The following DLC1 variants were observed in gnomAD, a reference collection of about 807,000 sequenced individuals.
The protein encoded by DLC1 is rho GTPase-activating protein 7.
In DLC1, 54 loss-of-function variants were observed where a neutral mutation model predicts 140.3. That is an observed-to-expected ratio of 0.38 (90% CI 0.31 to 0.48). The LOEUF is 0.48. DLC1 is among the 20% of genes least tolerant of loss of function. The pLI, the probability that DLC1 is intolerant of heterozygous loss-of-function variation, is 0.96. For missense variants in DLC1, 2,536 were observed against 1,907.0 expected, an observed-to-expected ratio of 1.33 and a Z score of -6.14; for synonymous variants, 986 against 728.1, an observed-to-expected ratio of 1.35 and a Z score of -5.70.
chr8:13,347,355 C>G (rs1030753003), intron 4 of DLC1, among the ~76,000 whole-genome samples: 1 of 152,138 alleles, frequency 6.6e-6, no homozygotes, highest in Admixed American at 6.5e-5. Context: ...CTGAGGGCCA[C>G]CTGACACAGA....
chr8:13,133,287 A>G, intron 5 of DLC1: 1 of 1,285,596 alleles, frequency 7.8e-7, no homozygotes. Context: ...GTCGGAGCGA[A>G]CTGTCTCCCG....
intron 5 of DLC1, among the ~76,000 whole-genome samples, chr8:13,145,146 G>C (rs893873857): frequency 1.3e-5 from 2 of 152,088 alleles, no homozygotes; most frequent in African/African-American, 2.4e-5. Context: ...GATAGTGAAA[G>C]TAGTACCTAT....
At chr8:13,307,479 CAT>C (rs1477184969) in intron 4 of DLC1, among the ~76,000 whole-genome samples, 1 of 152,216 alleles carries the variant, frequency 6.6e-6, no homozygotes, top group Non-Finnish European at 1.5e-5. Context: ...TCCCTTAAAA[CAT>C]ATTTAAAAAT....
chr8:13,308,258 G>C (rs9325885), intron 4 of DLC1, among the ~76,000 whole-genome samples: 62,824 of 152,052 alleles, frequency 0.41, 13,392 homozygotes, highest in Middle Eastern at 0.5. Flanking sequence ...ACGTTAGAAT[G>C]TCACCACACT....
upstream of DLC1, among the ~76,000 whole-genome samples, chr8:13,519,521 G>A (rs142776529): frequency 1.5e-3 from 232 of 152,214 alleles, no homozygotes; most frequent in African/African-American, 5.3e-3. Context: ...AGCATCATGC[G>A]CATGATTAGT....
At chr8:13,249,137 C>T (rs1031404214) in intron 5 of DLC1, among the ~76,000 whole-genome samples, 7 of 152,146 alleles carry the variant, frequency 4.6e-5, no homozygotes, top group Non-Finnish European at 7.3e-5. Flanking sequence ...AGTGCAATGG[C>T]GCGATCTTCG....
At position 13,582,696 on chromosome 8, in the gene DLC1, A is replaced by T. The variant is rs113306728; in HGVS notation, c.-126+21841T>A. Among the ~76,000 whole-genome samples the T allele has an allele frequency of 6.7e-3, 1,017 of 151,114 alleles. 13 individuals are homozygous for T. The highest frequency in any genetic ancestry group is 0.022 in the African/African-American group (917 of 41,164). ...ACTTAATAAACTTCCATATATATAT[A>T]TATTTTTTCCATTCATTCTGTCCCT... On this transcript the variant is annotated intron_variant, in intron 1 of 1. Coordinates refer to the DLC1 transcript ENST00000631382.
chr8:13,583,279 A>T (rs1346567041), intron 1 of DLC1, among the ~76,000 whole-genome samples: 1 of 152,206 alleles, frequency 6.6e-6, no homozygotes. Flanking sequence ...TTATCAACTA[A>T]GTTTATGGAA....
chr8:13,289,473 G>GGT (rs1476084059), intron 5 of DLC1, among the ~76,000 whole-genome samples: 1 of 152,056 alleles, frequency 6.6e-6, no homozygotes, highest in Non-Finnish European at 1.5e-5. Context: ...ATTATAGACA[G>GGT]GTGTCACCAT....
intron 4 of DLC1, among the ~76,000 whole-genome samples, chr8:13,358,585 A>G (rs911727210): frequency 6.6e-6 from 1 of 152,188 alleles, no homozygotes; most frequent in African/African-American, 2.4e-5. Flanking sequence ...ATATACATTA[A>G]AATATTTTCC....
At chr8:13,105,822 C>T (rs958800882) in intron 7 of DLC1, among the ~76,000 whole-genome samples, 2 of 152,178 alleles carry the variant, frequency 1.3e-5, no homozygotes, top group African/African-American at 2.4e-5. Flanking sequence ...AGGCAATCCG[C>T]TCATCTCGGC....
At chr8:13,307,799 G>T (rs1429560864) in intron 4 of DLC1, among the ~76,000 whole-genome samples, 3 of 152,260 alleles carry the variant, frequency 2.0e-5, no homozygotes, top group Admixed American at 1.3e-4. Flanking sequence ...AATCCTGGAA[G>T]GTAAAGTAAC....
intron 4 of DLC1, among the ~76,000 whole-genome samples, chr8:13,312,121 G>T (rs1292494127): frequency 7.7e-6 from 1 of 130,098 alleles, no homozygotes; most frequent in African/African-American, 3.0e-5. Flanking sequence ...CAGCACTTTG[G>T]GAGGCCGAGG....
chr8:13,415,412 T>G (rs1838008386), intron 2 of DLC1, among the ~76,000 whole-genome samples: 1 of 151,668 alleles, frequency 6.6e-6, no homozygotes, highest in Non-Finnish European at 1.5e-5. Flanking sequence ...TTTTTTTTTT[T>G]TTTTTGAGAC....
At chr8:13,487,667 G>A (rs1485577468) in intron 2 of DLC1, among the ~76,000 whole-genome samples, 4 of 151,384 alleles carry the variant, frequency 2.6e-5, no homozygotes, top group African/African-American at 7.3e-5. Context: ...TCCCCAACCC[G>A]GGTTCAAGCA....
At chr8:13,140,507 A>C (rs1267421185) in intron 5 of DLC1, among the ~76,000 whole-genome samples, 1 of 150,306 alleles carries the variant, frequency 6.7e-6, no homozygotes, top group Non-Finnish European at 1.5e-5. Context: ...TGCTGGGATT[A>C]CAGGTTGAGC....
chr8:13,579,343 A>AATACATATT lies in DLC1; in HGVS notation c.-126+25193_-126+25194insAATATGTAT, dbSNP rs1804972021. Among the ~76,000 whole-genome samples the AATACATATT allele has an allele frequency of 1.7e-4, 5 of 28,918 alleles. 2 individuals carry two copies. In the South Asian group the frequency reaches 3.9e-3, roughly 22 times the overall value. The allele number at this position is 28,918 out of a possible 152,430, so 19.0% of individuals were successfully genotyped here. A position where few individuals can be genotyped will look rare whatever the true frequency, so the allele number is the denominator to read the frequency against. Reference sequence around the variant, plus strand: ...TATATATATATATATATATATATATATATATATATATATATATATTTTTAT... The same window carrying AATACATATT: ...TATATATATATATATATATATATATAATACATATTTATATATATATATATATATTTTTAT... On this transcript the variant is annotated intron_variant, in intron 1 of 1. Coordinates refer to the DLC1 transcript ENST00000631382.
At chr8:13,452,972 T>C (rs1799138505) in intron 2 of DLC1, among the ~76,000 whole-genome samples, 1 of 152,012 alleles carries the variant, frequency 6.6e-6, no homozygotes. Flanking sequence ...CAGTTTCTTG[T>C]TGTTGTTGTT....
chr8:13,445,348 A>G (rs561766524), intron 2 of DLC1, among the ~76,000 whole-genome samples: 12 of 152,292 alleles, frequency 7.9e-5, no homozygotes, highest in Non-Finnish European at 1.5e-4. Flanking sequence ...CTGAGGAAGG[A>G]AGCAGGAAAC....
Sources: gnomAD v4.1 joint callset for allele counts (sites outside exome capture counted in the v4.1 genomes callset) on GRCh38, gnomAD v4.1.1 for gene constraint, MANE v1.5 for transcripts, NCBI Gene and HGNC (gene_info 2026-07-23, HGNC 2026-07-21) for gene names.